The following LIN52 variants were observed in gnomAD, a reference collection of about 807,000 sequenced individuals.
LIN52 encodes the protein lin-52 DREAM MuvB core complex component.
A neutral mutation model predicts 18.5 loss-of-function variants in LIN52; 4 were observed. That is an observed-to-expected ratio of 0.22 (90% confidence interval 0.11 to 0.49). The LOEUF is 0.49. Ranked by LOEUF, LIN52 falls within the 20% of genes least tolerant of loss-of-function variation. The pLI, the probability that LIN52 is intolerant of heterozygous loss-of-function variation, is 0.97. For missense variants in LIN52, 102 were observed against 139.5 expected (o/e 0.73, Z 1.35); for synonymous variants, 34 against 45.5 (o/e 0.75, Z 1.02).
intron 5 of LIN52, among the ~76,000 whole-genome samples, chr14:74,116,774 A>G (rs115529824): frequency 0.016 from 2,381 of 151,186 alleles, 61 homozygotes; most frequent in African/African-American, 0.054. Flanking sequence ...GGTATTCATT[A>G]TATATAAGGA....
chr14:74,121,765 C>A (rs964344379), intron 5 of LIN52, among the ~76,000 whole-genome samples: 27 of 151,098 alleles, frequency 1.8e-4, no homozygotes, highest in Non-Finnish European at 2.1e-4. Context: ...ACTCCGTCAC[C>A]CAGGCTGGGG....
chr14:74,120,032 C>T (rs971127783), intron 5 of LIN52, among the ~76,000 whole-genome samples: 8 of 151,802 alleles, frequency 5.3e-5, no homozygotes, highest in Non-Finnish European at 1.5e-5. Flanking sequence ...GATGGAGTTT[C>T]ACCATGTTGG....
At chr14:74,154,023 G>A (rs1378511634) in intron 5 of LIN52, among the ~76,000 whole-genome samples, 1 of 152,036 alleles carries the variant, frequency 6.6e-6, no homozygotes, top group Non-Finnish European at 1.5e-5. Context: ...TAACCCACAT[G>A]GAATTTCCCC....
intron 2 of LIN52, among the ~76,000 whole-genome samples, chr14:74,093,038 G>A (rs1030553184): frequency 6.6e-6 from 1 of 151,868 alleles, no homozygotes; most frequent in Non-Finnish European, 1.5e-5. Flanking sequence ...TGCAACGTCC[G>A]CCTCCCTGGT....
chr14:74,191,792 C>T (rs2078878372), intron 5 of LIN52, among the ~76,000 whole-genome samples: 4 of 152,090 alleles, frequency 2.6e-5, no homozygotes, highest in Admixed American at 2.6e-4. Flanking sequence ...CACCACCACG[C>T]CTGGCTAATT....
chr14:74,177,982 T>C (rs2061301181), intron 5 of LIN52, among the ~76,000 whole-genome samples: 1 of 152,250 alleles, frequency 6.6e-6, no homozygotes, highest in Non-Finnish European at 1.5e-5. Context: ...TTTCATCATG[T>C]TGGCCAGGCT....
At chr14:74,155,768 C>A (rs1403167709) in intron 5 of LIN52, among the ~76,000 whole-genome samples, 2 of 152,198 alleles carry the variant, frequency 1.3e-5, no homozygotes, top group African/African-American at 4.8e-5. Flanking sequence ...GTGGGGTTTA[C>A]TCCTCCTTCA....
At chr14:74,130,380 C>T (rs113826515) in intron 5 of LIN52, among the ~76,000 whole-genome samples, 8 of 144,136 alleles carry the variant, frequency 5.6e-5, no homozygotes, top group African/African-American at 1.8e-4. Context: ...TGGGTTCAAG[C>T]GATTCTCCTG....
intron 5 of LIN52, among the ~76,000 whole-genome samples, chr14:74,165,513 C>CTTTTTTTCTTTT (rs1555384155): frequency 9.1e-6 from 1 of 110,226 alleles, no homozygotes; most frequent in East Asian, 3.3e-4. Context: ...GTTTTCTTTT[C>CTTTTTTTCTTTT]TTTTTTTTTT....
intron 5 of LIN52, among the ~76,000 whole-genome samples, chr14:74,112,939 GAGTGGC>G (rs1340626230): frequency 6.6e-6 from 1 of 152,188 alleles, no homozygotes; most frequent in African/African-American, 2.4e-5. Context: ...ATTGCTACAG[GAGTGGC>G]AGATAAACTT....
chr14:74,086,689 A>G (rs1481172472), intron 1 of LIN52, among the ~76,000 whole-genome samples: 1 of 151,966 alleles, frequency 6.6e-6, no homozygotes, highest in Non-Finnish European at 1.5e-5. Flanking sequence ...GAAATTATGG[A>G]TGTTTGGAGT....
chr14:74,085,507 C>T (rs1174377776), intron 1 of LIN52: 1 of 152,346 alleles, frequency 6.6e-6, no homozygotes, highest in African/African-American at 2.4e-5. Flanking sequence ...GGACCATTGC[C>T]GTGGCAGCAA....
chr14:74,104,518 G>T (rs971210288), intron 5 of LIN52, among the ~76,000 whole-genome samples: 2 of 150,578 alleles, frequency 1.3e-5, no homozygotes, highest in African/African-American at 4.9e-5. Flanking sequence ...CTGTGGTAGA[G>T]CTTAACATGT....
intron 5 of LIN52, among the ~76,000 whole-genome samples, chr14:74,110,504 C>T (rs1333470366): frequency 6.6e-6 from 1 of 152,096 alleles, no homozygotes; most frequent in Non-Finnish European, 1.5e-5. Context: ...CATGGTAAAA[C>T]CTTGTCTCTA....
At chr14:74,168,074 T>C (rs748681495) in intron 5 of LIN52, among the ~76,000 whole-genome samples, 4 of 152,256 alleles carry the variant, frequency 2.6e-5, no homozygotes, top group African/African-American at 4.8e-5. Context: ...CTATCAGTGG[T>C]AATGCTCAGG....
intron 5 of LIN52, among the ~76,000 whole-genome samples, chr14:74,177,250 G>A (rs571574455): frequency 2.0e-5 from 3 of 152,144 alleles, no homozygotes; most frequent in Admixed American, 6.5e-5. Flanking sequence ...TGCCTGCCTC[G>A]GCCTCCCAAG....
intron 5 of LIN52, among the ~76,000 whole-genome samples, chr14:74,127,731 A>G (rs1201346106): frequency 6.6e-6 from 1 of 152,106 alleles, no homozygotes; most frequent in African/African-American, 2.4e-5. Flanking sequence ...GACACAGAAT[A>G]AGTCTTTTTT....
chr14:74,129,030 G>A (rs1244537056), intron 5 of LIN52, among the ~76,000 whole-genome samples: 2 of 152,180 alleles, frequency 1.3e-5, no homozygotes, highest in Non-Finnish European at 2.9e-5. Flanking sequence ...TTTGACATGG[G>A]GTTTGGCTTT....
chr14:74,158,776 C>T (rs8004050), intron 5 of LIN52, among the ~76,000 whole-genome samples: 67,893 of 152,142 alleles, frequency 0.45, 16,256 homozygotes, highest in Non-Finnish European at 0.53. Context: ...CTGCGCCCAG[C>T]CGTAAGTTAT....
Sources: allele counts gnomAD v4.1 joint callset (sites outside exome capture counted in the v4.1 genomes callset), GRCh38; gene constraint gnomAD v4.1.1; transcripts MANE v1.5; gene names NCBI Gene and HGNC (gene_info 2026-07-23, HGNC 2026-07-21).